Variants in C3orf52 observed in about 807,000 individuals in gnomAD.
The protein encoded by C3orf52 is chromosome 3 open reading frame 52.
Under a neutral mutation model 24.8 loss-of-function variants are expected in C3orf52, and 22 were observed. The observed-to-expected ratio is 0.89, with a 90% confidence interval of 0.63 to 1.27. The LOEUF (loss-of-function observed/expected upper bound fraction) is 1.27, where lower values mean the gene tolerates loss of function less well. Ranked by LOEUF, C3orf52 falls within the 50% of genes most tolerant of loss-of-function variation. The pLI is 0.00. For synonymous variants in C3orf52, 93 were observed against 100.2 expected, an observed-to-expected ratio of 0.93 and a Z score of 0.43; for missense variants, 265 against 260.7, an observed-to-expected ratio of 1.02 and a Z score of -0.11.
At chr3:112,101,837 T>A (rs1162858390) in intron 2 of C3orf52, among the ~76,000 whole-genome samples, 1 of 152,132 alleles carries the variant, frequency 6.6e-6, no homozygotes, top group African/African-American at 2.4e-5. Context: ...AGAGGTAGTC[T>A]CCTGTGTGGG....
intron 2 of C3orf52, among the ~76,000 whole-genome samples, chr3:112,099,092 T>C (rs1452822489): frequency 6.6e-6 from 1 of 152,168 alleles, no homozygotes; most frequent in African/African-American, 2.4e-5. Flanking sequence ...TCTCTCTCTC[T>C]CCTGCTCCCC....
downstream of C3orf52, chr3:112,119,395 CAAACAG>C (rs2074168111): frequency 1.4e-6 from 1 of 692,958 alleles, no homozygotes; most frequent in African/African-American, 1.8e-5. Flanking sequence ...AACAAACAAA[CAAACAG>C]AAACAGTAGG....
downstream of C3orf52, chr3:112,131,053 G>A (rs1576172865): frequency 1.3e-5 from 2 of 156,604 alleles, no homozygotes; most frequent in East Asian, 3.7e-4. Context: ...CACTTGTTGG[G>A]AATTGGGAGT....
At chr3:112,112,682 G>C (rs2074094996) in intron 4 of C3orf52, 8 of 419,414 alleles carry the variant, frequency 1.9e-5, no homozygotes, top group South Asian at 1.8e-4. Flanking sequence ...CTTGACTGGA[G>C]ATGGGCACCT....
At chr3:112,108,822 G>A (rs1190858759) in intron 3 of C3orf52, among the ~76,000 whole-genome samples, 1 of 152,158 alleles carries the variant, frequency 6.6e-6, no homozygotes. Flanking sequence ...TGCAAGGAAA[G>A]GATGCATGCC....
At chr3:112,133,007 A>C (rs891320275), downstream of C3orf52, 22 of 1,389,382 alleles carry the variant, frequency 1.6e-5, no homozygotes, top group Admixed American at 3.6e-4. Context: ...TAGTGTGCTA[A>C]CTGTATACTA....
chr3:112,133,043 A>T (rs879652), downstream of C3orf52: 1 of 1,580,646 alleles, frequency 6.3e-7, no homozygotes, highest in Non-Finnish European at 8.7e-7. Context: ...TCCTTGCTGT[A>T]TTGTCCTGTC....
At chr3:112,124,268 A>G (rs2074260759) in intron 4 of C3orf52, among the ~76,000 whole-genome samples, 2 of 152,188 alleles carry the variant, frequency 1.3e-5, no homozygotes, top group South Asian at 2.1e-4. Flanking sequence ...GACACTACCC[A>G]TATAATTCCC....
At chr3:112,093,231 T>C in intron 1 of C3orf52, 129 bp from the exon 2 acceptor site, 3 of 847,734 alleles carry the variant, frequency 3.5e-6, no homozygotes, top group Non-Finnish European at 3.5e-6. Context: ...GAAAACTTGA[T>C]TCAGTAGAGT....
chr3:112,099,334 A>G (rs2073952295), intron 2 of C3orf52, among the ~76,000 whole-genome samples: 1 of 152,194 alleles, frequency 6.6e-6, no homozygotes, highest in African/African-American at 2.4e-5. Flanking sequence ...AGACACAAAC[A>G]TTCAGACCAT....
At chr3:112,112,928 G>A in intron 4 of C3orf52, 36 bp from the exon 5 acceptor site, 1 of 1,541,156 alleles carries the variant, frequency 6.5e-7, no homozygotes, top group Non-Finnish European at 8.9e-7. Flanking sequence ...GCAGTATGAT[G>A]CTGTTTATGT....
chr3:112,102,736 A>G (rs2073984767), intron 2 of C3orf52, 102 bp from the exon 3 acceptor site: 1 of 1,108,056 alleles, frequency 9.0e-7, no homozygotes, highest in Non-Finnish European at 1.3e-6. Context: ...CTTGATGCTC[A>G]TAGTTATGTT....
At chr3:112,104,099 T>G (rs2074003141) in intron 3 of C3orf52, among the ~76,000 whole-genome samples, 1 of 152,068 alleles carries the variant, frequency 6.6e-6, no homozygotes, top group South Asian at 2.1e-4. Flanking sequence ...ATTTAAGAGG[T>G]ATTCTCACTC....
At chr3:112,122,699 T>C (rs1218496014), downstream of C3orf52, 1 of 152,190 alleles carries the variant, frequency 6.6e-6, no homozygotes, top group Non-Finnish European at 1.5e-5. Context: ...GTTTTGCCAC[T>C]AACTTTAATG....
rs531493305 is a variant in C3orf52 at position 112,117,927 on chromosome 3, G to A, written c.*1281G>A. 6.6e-6 allele frequency: 1 copy of A among 152,380 alleles called. No individual in the cohort carries two copies. The highest frequency in any genetic ancestry group is 2.4e-5 in the African/African-American group (1 of 41,584). 9.4% of individuals were successfully genotyped at this position (152,380 alleles called of 1,614,324 possible). On this transcript the variant is annotated 3_prime_UTR_variant, in exon 6 of 6. Coordinates refer to ENST00000264848, the MANE Select transcript of C3orf52 (RefSeq NM_024616.3). ...CAGCTGTGTGCGGGCACGAGCCAGA[G>A]TGTCTGCCTCAGACTAGATTTGACT...
At chr3:112,099,014 A>G (rs759224969) in intron 2 of C3orf52, among the ~76,000 whole-genome samples, 17 of 152,040 alleles carry the variant, frequency 1.1e-4, no homozygotes, top group Non-Finnish European at 2.2e-4. Flanking sequence ...TGCTATTCTC[A>G]TGATAGTGTG....
downstream of C3orf52, chr3:112,132,913 A>G (rs557702051): frequency 2.5e-5 from 15 of 597,202 alleles, no homozygotes; most frequent in East Asian, 1.6e-4. Flanking sequence ...GGCAAAACCT[A>G]TGGGAAATTT....
At chr3:112,136,063 C>T in the C3orf52 span, among the ~76,000 whole-genome samples, 1 of 152,168 alleles carries the variant, frequency 6.6e-6, no homozygotes, top group Non-Finnish European at 1.5e-5. Context: ...AGTCTAACTT[C>T]AGTTGACACC....
chr3:112,120,151 G>A (rs2074174003), downstream of C3orf52, among the ~76,000 whole-genome samples: 2 of 152,190 alleles, frequency 1.3e-5, no homozygotes, highest in Non-Finnish European at 1.5e-5. Flanking sequence ...GAAAGTAGAC[G>A]GAATTTACAC....
Sources: gnomAD v4.1 joint callset for allele counts (sites outside exome capture counted in the v4.1 genomes callset) on GRCh38, gnomAD v4.1.1 for gene constraint, MANE v1.5 for transcripts, NCBI Gene and HGNC (gene_info 2026-07-23, HGNC 2026-07-21) for gene names.